Variants in IREB2 observed in about 807,000 individuals in gnomAD.
IREB2 encodes iron-responsive element-binding protein 2.
A neutral mutation model predicts 118.8 loss-of-function variants in IREB2; 39 were observed. The ratio of observed to expected loss-of-function variants is 0.33; its 90% CI spans 0.25 to 0.43. IREB2 has a LOEUF of 0.43. IREB2 is among the 20% of genes least tolerant of loss of function. IREB2 has a pLI of 1.00. For missense variants in IREB2, 900 were observed against 1,147.3 expected (o/e 0.78, Z 3.11); for synonymous variants, 372 against 392.2 (o/e 0.95, Z 0.61).
At chr15:78,480,499 A>T (rs924865133) in intron 10 of IREB2, among the ~76,000 whole-genome samples, 2 of 151,442 alleles carry the variant, frequency 1.3e-5, no homozygotes, top group Admixed American at 1.3e-4. Context: ...CCTAGCCAAC[A>T]TGGTGAAACC....
intron 10 of IREB2, among the ~76,000 whole-genome samples, chr15:78,482,436 T>G (rs939496240): frequency 6.6e-6 from 1 of 152,182 alleles, no homozygotes; most frequent in African/African-American, 2.4e-5. Flanking sequence ...AAAAATACGT[T>G]TCTTAACCAA....
intron 8 of IREB2, chr15:78,475,203 G>C (rs1011257342): frequency 6.6e-6 from 1 of 151,648 alleles, no homozygotes; most frequent in Non-Finnish European, 1.5e-5. Context: ...ATTATTCATA[G>C]ATCGAGGATA....
At chr15:78,444,701 A>T (rs954935716) in intron 2 of IREB2, among the ~76,000 whole-genome samples, 2 of 152,222 alleles carry the variant, frequency 1.3e-5, no homozygotes, top group African/African-American at 4.8e-5. Context: ...GTATACAAAA[A>T]TATATGTAAA....
intron 10 of IREB2, among the ~76,000 whole-genome samples, chr15:78,479,504 T>C (rs111437349): frequency 2.4e-4 from 36 of 151,948 alleles, no homozygotes; most frequent in African/African-American, 8.5e-4. Flanking sequence ...CTCAAATTGC[T>C]GGGATTACAG....
chr15:78,490,832 C>T (rs1334229647), intron 18 of IREB2, 71 bp downstream of exon 18: 2 of 1,399,468 alleles, frequency 1.4e-6, no homozygotes, highest in Non-Finnish European at 2.0e-6. Flanking sequence ...TTCTATTGGT[C>T]TTGTTCCTTT....
intron 2 of IREB2, among the ~76,000 whole-genome samples, chr15:78,446,332 A>G (rs892970038): frequency 6.6e-6 from 1 of 152,142 alleles, no homozygotes; most frequent in African/African-American, 2.4e-5. Flanking sequence ...AACCCTCCAC[A>G]TTTCAACTTT....
At chr15:78,439,696 T>A in intron 1 of IREB2, 99 bp from the exon 2 acceptor site, 2 of 674,852 alleles carry the variant, frequency 3.0e-6, no homozygotes, top group Non-Finnish European at 5.0e-6. Context: ...ATTTTTACCA[T>A]TGCAGAAAAT....
chr15:78,466,049 C>T (rs193297517), intron 4 of IREB2, among the ~76,000 whole-genome samples: 122 of 152,226 alleles, frequency 8.0e-4, no homozygotes, highest in African/African-American at 2.8e-3. Context: ...TTACTGGACG[C>T]TTAGAATTCT....
rs924272764 is a variant in IREB2 at position 78,471,607 on chromosome 15, A to G, written c.700-134A>G. On this transcript the variant is annotated intron_variant, in intron 6 of 21. Transcript: ENST00000258886. ...TTCAGTATCTGTATATTTGTTTTTA[A>G]CTATGTGATATGAACTTTGTATTTA... is the stretch of plus-strand genomic sequence containing the variant. The G allele has an allele frequency of 1.0e-5, 5 of 484,306 alleles. No individual in the cohort carries two copies. In the Admixed American group the frequency reaches 1.2e-4, roughly 12 times the overall value. The allele number at this position is 484,306 out of a possible 1,614,324, so 30.0% of individuals were successfully genotyped here.
intron 2 of IREB2, among the ~76,000 whole-genome samples, chr15:78,442,750 C>T (rs1404430321): frequency 3.3e-5 from 5 of 152,156 alleles, no homozygotes; most frequent in East Asian, 3.8e-4. Context: ...GATCTAGGCT[C>T]GTCCTTTCTT....
intron 2 of IREB2, among the ~76,000 whole-genome samples, chr15:78,461,207 T>TA (rs1245225863): frequency 6.6e-6 from 1 of 152,258 alleles, no homozygotes; most frequent in South Asian, 2.1e-4. Flanking sequence ...CTCTGCTTTT[T>TA]ATCATACATT....
chr15:78,492,577 G>T (rs150347455), intron 18 of IREB2, among the ~76,000 whole-genome samples: 2,267 of 152,118 alleles, frequency 0.015, 52 homozygotes, highest in African/African-American at 0.051. Flanking sequence ...TTGTTTGTTT[G>T]TTTTTAGAGA....
At chr15:78,456,697 G>A (rs970232862) in intron 2 of IREB2, among the ~76,000 whole-genome samples, 5 of 151,464 alleles carry the variant, frequency 3.3e-5, no homozygotes, top group Non-Finnish European at 7.4e-5. Context: ...TGTGATTAGT[G>A]TTTTCTCGTA....
chr15:78,457,627 T>C (rs2051127564), intron 2 of IREB2, among the ~76,000 whole-genome samples: 1 of 152,064 alleles, frequency 6.6e-6, no homozygotes, highest in South Asian at 2.1e-4. Context: ...TGCTTGCCTT[T>C]CCCCCATGTA....
chr15:78,455,788 A>G (rs1416758668), intron 2 of IREB2, among the ~76,000 whole-genome samples: 1 of 152,210 alleles, frequency 6.6e-6, no homozygotes, highest in African/African-American at 2.4e-5. Context: ...GGAAGAAAAG[A>G]TATTTGTTAT....
At chr15:78,467,105 G>A (rs1358131420) in intron 5 of IREB2, among the ~76,000 whole-genome samples, 1 of 151,384 alleles carries the variant, frequency 6.6e-6, no homozygotes, top group Admixed American at 6.6e-5. Flanking sequence ...AGCTAGTCAG[G>A]AGGCTGAGGC....
At chr15:78,494,087 T>G (rs778479106) in intron 19 of IREB2, 31 bp downstream of exon 19, 6 of 1,613,188 alleles carry the variant, frequency 3.7e-6, no homozygotes, top group Non-Finnish European at 4.2e-6. Context: ...TTTAGACAAT[T>G]TATAACTGGA....
At chr15:78,451,016 G>C (rs1377223524) in intron 2 of IREB2, among the ~76,000 whole-genome samples, 1 of 152,116 alleles carries the variant, frequency 6.6e-6, no homozygotes, top group Non-Finnish European at 1.5e-5. Flanking sequence ...CCAGGCTGGA[G>C]TGCAGTGGCT....
chr15:78,495,939 C>T (rs1282090640), intron 20 of IREB2, among the ~76,000 whole-genome samples: 1 of 152,112 alleles, frequency 6.6e-6, no homozygotes, highest in African/African-American at 2.4e-5. Context: ...AAGTCTAGAG[C>T]CTTTGGCTCA....
Sources: allele counts gnomAD v4.1 joint callset (sites outside exome capture counted in the v4.1 genomes callset), GRCh38; gene constraint gnomAD v4.1.1; transcripts MANE v1.5; gene names NCBI Gene and HGNC (gene_info 2026-07-23, HGNC 2026-07-21).